SPMIP2: variants seen among roughly 807,000 people sequenced by gnomAD.
The protein encoded by SPMIP2 is protein SPMIP2.
the SPMIP2 span, among the ~76,000 whole-genome samples, chr4:159,074,987 C>A: frequency 6.6e-6 from 1 of 152,130 alleles, no homozygotes. Context: ...AAGGATGGAG[C>A]CCTTGCCCTC....
chr4:158,956,679 T>G, the SPMIP2 span, among the ~76,000 whole-genome samples: 5 of 152,226 alleles, frequency 3.3e-5, no homozygotes, highest in African/African-American at 1.2e-4. Context: ...TCACCTAAAA[T>G]TAAGATATTG....
chr4:159,032,496 A>G, the SPMIP2 span, among the ~76,000 whole-genome samples: 2 of 152,218 alleles, frequency 1.3e-5, no homozygotes, highest in African/African-American at 2.4e-5. Context: ...GCAGAAATCT[A>G]TCAAAGGTGA....
At chr4:159,015,946 C>G in the SPMIP2 span, among the ~76,000 whole-genome samples, 1 of 152,128 alleles carries the variant, frequency 6.6e-6, no homozygotes, top group South Asian at 2.1e-4. Context: ...GTCTTATGCA[C>G]TGAATAACTA....
At chr4:158,930,916 A>C in the SPMIP2 span, among the ~76,000 whole-genome samples, 2 of 117,342 alleles carry the variant, frequency 1.7e-5, no homozygotes, top group African/African-American at 6.4e-5. Flanking sequence ...AGCTTATCTT[A>C]CTCAGAGTTT....
the SPMIP2 span, among the ~76,000 whole-genome samples, chr4:159,008,634 T>G: frequency 6.6e-6 from 1 of 152,220 alleles, no homozygotes; most frequent in Non-Finnish European, 1.5e-5. Context: ...AAGCAGCTGG[T>G]AAATGTTAGA....
At chr4:158,966,970 T>C in the SPMIP2 span, among the ~76,000 whole-genome samples, 1 of 152,234 alleles carries the variant, frequency 6.6e-6, no homozygotes. Flanking sequence ...CACTTGAATG[T>C]GGCAGCATCG....
chr4:159,005,773 A>AT, the SPMIP2 span, among the ~76,000 whole-genome samples: 2 of 151,652 alleles, frequency 1.3e-5, no homozygotes, highest in Non-Finnish European at 2.9e-5. Context: ...ACCTGTTTTA[A>AT]TTTTTTTTTA....
the SPMIP2 span, among the ~76,000 whole-genome samples, chr4:159,055,602 TGAGG>T: frequency 6.6e-6 from 1 of 151,878 alleles, no homozygotes; most frequent in Non-Finnish European, 1.5e-5. Context: ...CCCAGCTAAT[TGAGG>T]AGCTGAGGCT....
the SPMIP2 span, among the ~76,000 whole-genome samples, chr4:158,898,998 T>C: frequency 7.8e-3 from 1,189 of 152,356 alleles, 36 homozygotes; most frequent in South Asian, 0.078. Context: ...ATAGCTCTTA[T>C]TATTTTGGGA....
At chr4:158,893,460 C>T in the SPMIP2 span, 2 of 464,952 alleles carry the variant, frequency 4.3e-6, no homozygotes, top group Non-Finnish European at 3.9e-6. Flanking sequence ...CAGTAAACAG[C>T]TACTATTAGT....
At chr4:158,991,470 A>C in the SPMIP2 span, among the ~76,000 whole-genome samples, 2 of 152,178 alleles carry the variant, frequency 1.3e-5, no homozygotes, top group Non-Finnish European at 2.9e-5. Flanking sequence ...AACGTGTAAC[A>C]AGACTGTGCT....
the SPMIP2 span, among the ~76,000 whole-genome samples, chr4:159,043,382 T>C: frequency 1.3e-5 from 2 of 152,234 alleles, no homozygotes; most frequent in Non-Finnish European, 2.9e-5. Flanking sequence ...AGTCTCACTC[T>C]GTCGCCCAGG....
chr4:158,974,000 A>AT, the SPMIP2 span, among the ~76,000 whole-genome samples: 8 of 151,408 alleles, frequency 5.3e-5, no homozygotes, highest in Non-Finnish European at 8.8e-5. Flanking sequence ...AAAAAAAAAA[A>AT]AAAAAAGACA....
the SPMIP2 span, among the ~76,000 whole-genome samples, chr4:158,911,818 G>A: frequency 6.6e-6 from 1 of 152,194 alleles, no homozygotes; most frequent in Non-Finnish European, 1.5e-5. Flanking sequence ...GGAAAAGAAT[G>A]TATCAGTCAC....
the SPMIP2 span, among the ~76,000 whole-genome samples, chr4:158,926,110 C>G: frequency 2.6e-5 from 4 of 152,168 alleles, no homozygotes; most frequent in Non-Finnish European, 5.9e-5. Context: ...AGCAATCAGT[C>G]TCACTAATGT....
At chr4:158,953,855 C>A in the SPMIP2 span, among the ~76,000 whole-genome samples, 1 of 152,184 alleles carries the variant, frequency 6.6e-6, no homozygotes, top group Non-Finnish European at 1.5e-5. Flanking sequence ...CTTGCATGGG[C>A]CCTGTAACCT....
the SPMIP2 span, among the ~76,000 whole-genome samples, chr4:158,917,392 A>G: frequency 3.0e-4 from 45 of 151,482 alleles, no homozygotes; most frequent in African/African-American, 1.1e-3. Flanking sequence ...ACATCACTGC[A>G]CTCCAGCCTG....
At chr4:158,978,642 A>G in the SPMIP2 span, among the ~76,000 whole-genome samples, 1 of 152,080 alleles carries the variant, frequency 6.6e-6, no homozygotes, top group Non-Finnish European at 1.5e-5. Flanking sequence ...AGCTCTTTTT[A>G]TTGCATTGAT....
chr4:159,010,727 G>A, the SPMIP2 span, among the ~76,000 whole-genome samples: 1 of 152,116 alleles, frequency 6.6e-6, no homozygotes, highest in African/African-American at 2.4e-5. Flanking sequence ...CTGTTATTGT[G>A]TCAGCTTTGT....
Sources: allele counts gnomAD v4.1 joint callset (sites outside exome capture counted in the v4.1 genomes callset), GRCh38; gene constraint gnomAD v4.1.1; transcripts MANE v1.5; gene names NCBI Gene and HGNC (gene_info 2026-07-23, HGNC 2026-07-21).